The following PLCB4 variants were observed in gnomAD, a reference collection of about 807,000 sequenced individuals.
PLCB4 encodes the protein phospholipase C beta 4.
PLCB4 carries 77 observed loss-of-function variants against 178.8 expected under a neutral mutation model. That is an observed-to-expected ratio of 0.43 (90% confidence interval 0.36 to 0.52). PLCB4 has a LOEUF of 0.52. PLCB4 is among the 20% of genes least tolerant of loss of function. The pLI is 0.00. For synonymous variants in PLCB4, 496 were observed against 490.8 expected (o/e 1.01, Z -0.14); for missense variants, 1,024 against 1,453.4 (o/e 0.70, Z 4.80).
intron 9 of PLCB4, among the ~76,000 whole-genome samples, chr20:9,365,776 T>G (rs1359307412): frequency 6.6e-6 from 1 of 152,242 alleles, no homozygotes; most frequent in Non-Finnish European, 1.5e-5. Flanking sequence ...AGAACTATTT[T>G]TTAAAATCGG....
intron 7 of PLCB4, among the ~76,000 whole-genome samples, chr20:9,351,793 T>G (rs2034369717): frequency 6.6e-6 from 1 of 152,258 alleles, no homozygotes; most frequent in Non-Finnish European, 1.5e-5. Flanking sequence ...TATATTGATC[T>G]CAGACTAAGC....
intron 3 of PLCB4, among the ~76,000 whole-genome samples, chr20:9,272,884 T>C (rs150979425): frequency 1.8e-5 from 2 of 109,478 alleles, no homozygotes; most frequent in Non-Finnish European, 3.6e-5. Flanking sequence ...GTTACAGGGA[T>C]TTTTTTTTTT....
intron 2 of PLCB4, among the ~76,000 whole-genome samples, chr20:9,146,127 G>A (rs1037703707): frequency 2.6e-5 from 4 of 152,112 alleles, no homozygotes; most frequent in African/African-American, 9.7e-5. Flanking sequence ...TGGCCCTGTG[G>A]CCACTCTGTA....
intron 3 of PLCB4, among the ~76,000 whole-genome samples, chr20:9,283,785 A>G (rs2094514511): frequency 6.6e-6 from 1 of 151,996 alleles, no homozygotes; most frequent in Admixed American, 6.6e-5. Flanking sequence ...ATAATAAATC[A>G]TCCCTTGATA....
chr20:9,264,195 T>G (rs1290457100), intron 3 of PLCB4, among the ~76,000 whole-genome samples: 3 of 152,186 alleles, frequency 2.0e-5, no homozygotes, highest in African/African-American at 7.2e-5. Flanking sequence ...TTTCGGACTT[T>G]GAAGTCTAAA....
chr20:9,472,823 A>G lies in PLCB4; in HGVS notation c.3384A>G (p.Lys1128=), dbSNP rs2044277268. 1.2e-6 allele frequency: 2 copies of G among 1,600,212 alleles called. No homozygotes were observed. Among genetic ancestry groups the G allele is most frequent in the South Asian group, 2.2e-5 (2 of 89,116 alleles). The part of the protein sequence containing the change: ...RVRELNSSNT[K]KFLEERKRLA... ...GGGAGTTAAACAGCAGCAACACTAA[A>G]AAGTTTCTGGAAGAAAGAAAGAGAG... Residue 1128 remains lysine, a synonymous_variant, in exon 37 of 40, where the codon AAA becomes AAG. Coordinates refer to ENST00000378473, the MANE Select transcript of PLCB4 (RefSeq NM_001377142.1).
intron 3 of PLCB4, among the ~76,000 whole-genome samples, chr20:9,234,348 G>C (rs2093969216): frequency 6.6e-6 from 1 of 152,118 alleles, no homozygotes. Context: ...ATGCAGAAGT[G>C]ATTAATGGAA....
intron 4 of PLCB4, among the ~76,000 whole-genome samples, chr20:9,330,325 C>G (rs1049346253): frequency 6.6e-6 from 1 of 152,180 alleles, no homozygotes; most frequent in Admixed American, 6.5e-5. Flanking sequence ...TCAGACTCCT[C>G]TTTGTTTCTC....
intron 3 of PLCB4, among the ~76,000 whole-genome samples, chr20:9,255,758 G>C (rs2094227424): frequency 6.6e-6 from 1 of 152,036 alleles, no homozygotes; most frequent in Admixed American, 6.6e-5. Context: ...ACTCAACTCT[G>C]CATTCGTAGC....
chr20:9,123,461 C>T (rs1398946023), intron 2 of PLCB4, among the ~76,000 whole-genome samples: 1 of 146,470 alleles, frequency 6.8e-6, no homozygotes, highest in Non-Finnish European at 1.5e-5. Context: ...TTAATTTTAT[C>T]ATGTTCTTAA....
chr20:9,429,182 C>T (rs986603123), intron 28 of PLCB4, among the ~76,000 whole-genome samples: 1 of 152,092 alleles, frequency 6.6e-6, no homozygotes, highest in African/African-American at 2.4e-5. Flanking sequence ...TTCCGGAGCC[C>T]CTGCTGTGGC....
At chr20:9,314,518 G>A (rs2094876575) in intron 4 of PLCB4, among the ~76,000 whole-genome samples, 1 of 152,144 alleles carries the variant, frequency 6.6e-6, no homozygotes, top group African/African-American at 2.4e-5. Context: ...TCTGATGCAA[G>A]GTGGAGAGAA....
intron 2 of PLCB4, among the ~76,000 whole-genome samples, chr20:9,168,073 T>A (rs1172790141): frequency 6.6e-6 from 1 of 152,214 alleles, no homozygotes; most frequent in East Asian, 1.9e-4. Flanking sequence ...AGTTATTACC[T>A]GTTGGAAAAA....
At chr20:9,238,795 C>A (rs1313054045) in intron 3 of PLCB4, among the ~76,000 whole-genome samples, 2 of 152,132 alleles carry the variant, frequency 1.3e-5, no homozygotes, top group Admixed American at 6.5e-5. Context: ...TTGGGCTGGA[C>A]CTATGTTGAA....
At chr20:9,253,228 G>A (rs1051080997) in intron 3 of PLCB4, among the ~76,000 whole-genome samples, 1 of 152,098 alleles carries the variant, frequency 6.6e-6, no homozygotes, top group Non-Finnish European at 1.5e-5. Context: ...CTTCCCTCTG[G>A]CCTGTGCACA....
At chr20:9,245,664 G>A (rs1038544022) in intron 3 of PLCB4, among the ~76,000 whole-genome samples, 6 of 151,880 alleles carry the variant, frequency 4.0e-5, no homozygotes, top group African/African-American at 1.5e-4. Context: ...CCTCTGTAGG[G>A]AGTATGGCCA....
intron 2 of PLCB4, among the ~76,000 whole-genome samples, chr20:9,188,448 C>T (rs1367891638): frequency 6.6e-6 from 1 of 152,114 alleles, no homozygotes; most frequent in African/African-American, 2.4e-5. Flanking sequence ...GAATTCAGAC[C>T]ACTTCAATTT....
chr20:9,345,097 G>A (rs1223188873), intron 7 of PLCB4, among the ~76,000 whole-genome samples: 1 of 151,466 alleles, frequency 6.6e-6, no homozygotes, highest in East Asian at 1.9e-4. Context: ...GCTGAGTCAG[G>A]AGAACTGCTT....
intron 7 of PLCB4, among the ~76,000 whole-genome samples, chr20:9,346,496 T>C (rs1376107707): frequency 6.6e-6 from 1 of 152,222 alleles, no homozygotes; most frequent in Middle Eastern, 3.2e-3. Context: ...TAATAAAAGC[T>C]TCTTCACCAC....
Sources: gnomAD v4.1 joint callset for allele counts (sites outside exome capture counted in the v4.1 genomes callset) on GRCh38, gnomAD v4.1.1 for gene constraint, MANE v1.5 for transcripts, NCBI Gene and HGNC (gene_info 2026-07-23, HGNC 2026-07-21) for gene names.